The following RCAN3 variants were observed in gnomAD, a reference collection of about 807,000 sequenced individuals.
RCAN3 encodes regulator of calcineurin 3, also known as calcipressin-3.
A neutral mutation model predicts 21.9 loss-of-function variants in RCAN3; 19 were observed. The observed-to-expected ratio is 0.87, with a 90% CI of 0.61 to 1.27. RCAN3 has a LOEUF of 1.27. RCAN3 is among the 50% of genes most tolerant of loss of function. The pLI, the probability that RCAN3 is intolerant of heterozygous loss-of-function variation, is 0.00. For synonymous variants in RCAN3, 114 were observed against 112.3 expected, an observed-to-expected ratio of 1.01 and a Z score of -0.09; for missense variants, 240 against 300.1, an observed-to-expected ratio of 0.80 and a Z score of 1.48.
rs559721454 is a variant in RCAN3, at chr1:24,537,688, C to T, written c.*2411C>T. 5.9e-5 allele frequency: 9 copies of T among 152,260 alleles called. No homozygotes were observed. The highest frequency in any genetic ancestry group is 1.9e-4 in the African/African-American group (8 of 41,518). The allele number at this position is 152,260 out of a possible 1,614,324, so 9.4% of individuals were successfully genotyped here. On this transcript the variant is annotated 3_prime_UTR_variant, in exon 5 of 5. Transcript: ENST00000374395. ...CAAGGTGGGTGGATCCACCTGAGGT[C>T]AGGAGTTCAAGACCAGCCTGACCAA... is the stretch of plus-strand genomic sequence containing the variant.
At chr1:24,519,393 G>A (rs1157756752) in intron 2 of RCAN3, among the ~76,000 whole-genome samples, 1 of 151,894 alleles carries the variant, frequency 6.6e-6, no homozygotes, top group East Asian at 1.9e-4. Flanking sequence ...TTGAACATGA[G>A]GAGTTTTCAA....
At chr1:24,534,288 C>G (rs559917308) in intron 4 of RCAN3, among the ~76,000 whole-genome samples, 1 of 152,210 alleles carries the variant, frequency 6.6e-6, no homozygotes, top group African/African-American at 2.4e-5. Flanking sequence ...AAGTATCTCC[C>G]AAACTGAAAC....
chr1:24,505,929 A>G (rs1647401085), intron 1 of RCAN3, among the ~76,000 whole-genome samples: 2 of 152,286 alleles, frequency 1.3e-5, no homozygotes, highest in African/African-American at 2.4e-5. Context: ...TGTGCTTGAC[A>G]TTTTGCCTTG....
At chr1:24,530,814 C>T (rs1243843224) in intron 2 of RCAN3, among the ~76,000 whole-genome samples, 2 of 152,166 alleles carry the variant, frequency 1.3e-5, no homozygotes, top group African/African-American at 4.8e-5. Context: ...AGTTCAAGAC[C>T]AGCCTAGCCA....
At chr1:24,505,599 C>T (rs1647380354) in intron 1 of RCAN3, among the ~76,000 whole-genome samples, 1 of 152,052 alleles carries the variant, frequency 6.6e-6, no homozygotes, top group Non-Finnish European at 1.5e-5. Flanking sequence ...GCCCAAAGCA[C>T]CTATGTTTAT....
intron 2 of RCAN3, among the ~76,000 whole-genome samples, chr1:24,524,998 AT>A (rs200979178): frequency 2.0e-5 from 3 of 147,524 alleles, no homozygotes; most frequent in African/African-American, 5.0e-5. Context: ...TGGGCTCCTC[AT>A]TTTTTTTTCA....
At position 24,540,012 on chromosome 1, in the gene RCAN3, A is replaced by G. The variant is rs1407723420; in HGVS notation, c.*4735A>G. The G allele has an allele frequency of 6.6e-6, 1 of 152,264 alleles. No individual in the cohort carries two copies. The highest frequency in any genetic ancestry group is 1.5e-5 in the Non-Finnish European group (1 of 68,042). The allele number at this position is 152,264 out of a possible 1,614,324, so 9.4% of individuals were successfully genotyped here. ...TTTAAAAAGTTTTAAAAGATTTATG[A>G]ACCTTGTCCTACAATTCGCTGAATA... On this transcript the variant is annotated 3_prime_UTR_variant, in exon 5 of 5. Coordinates refer to ENST00000374395, the MANE Select transcript of RCAN3 (RefSeq NM_013441.4).
intron 1 of RCAN3, among the ~76,000 whole-genome samples, chr1:24,505,208 TTTG>T (rs1647326121): frequency 6.8e-6 from 1 of 147,822 alleles, no homozygotes. Context: ...TTGTTGTTGC[TTTG>T]TTTTTTTTTT....
intron 1 of RCAN3, 142 bp downstream of exon 1, chr1:24,503,292 T>C (rs1647222613): frequency 6.9e-6 from 1 of 145,284 alleles, no homozygotes; most frequent in Non-Finnish European, 1.5e-5. Context: ...GACCGGGAGA[T>C]GCTACCGCGC....
chr1:24,519,663 C>T (rs1648635986), intron 2 of RCAN3, among the ~76,000 whole-genome samples: 1 of 152,186 alleles, frequency 6.6e-6, no homozygotes, highest in African/African-American at 2.4e-5. Flanking sequence ...GACATCACTA[C>T]TTGTTCTGCT....
Position 24,505,508 on chromosome 1 carries a change from C to T in RCAN3, c.-60+2358C>T, listed in dbSNP as rs77792790. ...AAAGTGCTGGGATTACAGGCATGAGCCACCACACCAGTCCAAGTGTTTTGT... is the reference window on the plus strand; with the variant it reads ...AAAGTGCTGGGATTACAGGCATGAGTCACCACACCAGTCCAAGTGTTTTGT... On this transcript the variant is annotated intron_variant, in intron 1 of 4. Coordinates refer to ENST00000374395, the MANE Select transcript of RCAN3 (RefSeq NM_013441.4). 6.4e-3 allele frequency among the ~76,000 whole-genome samples: 973 copies of T among 152,162 alleles called. 13 individuals are homozygous for T. The highest frequency in any genetic ancestry group is 0.022 in the African/African-American group (929 of 41,518).
chr1:24,508,011 G>T (rs561802255), intron 1 of RCAN3, among the ~76,000 whole-genome samples: 11 of 152,352 alleles, frequency 7.2e-5, no homozygotes, highest in Admixed American at 3.9e-4. Flanking sequence ...CCTGGAGGCA[G>T]AGGTTGCCAG....
chr1:24,512,104 C>T (rs945336200), intron 1 of RCAN3, among the ~76,000 whole-genome samples: 6 of 152,112 alleles, frequency 3.9e-5, no homozygotes, highest in Non-Finnish European at 8.8e-5. Context: ...ACAGCTGACA[C>T]TTTGGGAGGC....
intron 2 of RCAN3, among the ~76,000 whole-genome samples, chr1:24,520,732 A>G (rs1267151368): frequency 6.6e-6 from 1 of 152,042 alleles, no homozygotes; most frequent in Non-Finnish European, 1.5e-5. Flanking sequence ...ACCTAATGCT[A>G]AATGACGAGT....
chr1:24,536,351 ATCAT>A lies in RCAN3; in HGVS notation c.*1078_*1081del, dbSNP rs1650227032. 6.6e-6 allele frequency: 1 copy of A among 152,172 alleles called. No individual in the cohort carries two copies. The highest frequency in any genetic ancestry group is 1.5e-5 in the Non-Finnish European group (1 of 68,028). The allele number at this position is 152,172 out of a possible 1,614,324, so 9.4% of individuals were successfully genotyped here. A position where few individuals can be genotyped will look rare whatever the true frequency, so the allele number is the denominator to read the frequency against. ...CTATGAATTAGGGAATGAGGGGGAGATCATTCAGTTTTACTTTTCTTTTTGTTGA... is the reference window on the plus strand; with the variant it reads ...CTATGAATTAGGGAATGAGGGGGAGATCAGTTTTACTTTTCTTTTTGTTGA... On this transcript the variant is annotated 3_prime_UTR_variant, in exon 5 of 5. Transcript: ENST00000374395.
Position 24,535,291 on chromosome 1 carries a change from G to A in RCAN3, c.*14G>A, listed in dbSNP as rs16829816. Reference sequence around the variant, plus strand: ...TGCGCGCTGTGAGGCCCTTGGTTGTGGTGCGAGGCGGCTGCCCTGGTGGGC... The same window carrying A: ...TGCGCGCTGTGAGGCCCTTGGTTGTAGTGCGAGGCGGCTGCCCTGGTGGGC... On this transcript the variant is annotated 3_prime_UTR_variant, in exon 5 of 5. Coordinates refer to ENST00000374395, the MANE Select transcript of RCAN3 (RefSeq NM_013441.4). 1,184 of 1,516,412 alleles carry A rather than the reference G, an allele frequency of 7.8e-4. 11 individuals carry two copies. The African/African-American group carries it at 0.014, about 18-fold the overall frequency. The allele number at this position is 1,516,412 out of a possible 1,614,324, so 93.9% of individuals were successfully genotyped here.
chr1:24,523,603 T>TACACACACACAC (rs71577716), intron 2 of RCAN3, among the ~76,000 whole-genome samples: 137 of 140,842 alleles, frequency 9.7e-4, no homozygotes, highest in African/African-American at 3.6e-3. Context: ...TTATTTCTAA[T>TACACACACACAC]ACACACACAC....
chr1:24,505,932 T>C (rs1647401634), intron 1 of RCAN3, among the ~76,000 whole-genome samples: 1 of 152,234 alleles, frequency 6.6e-6, no homozygotes, highest in Non-Finnish European at 1.5e-5. Flanking sequence ...GCTTGACATT[T>C]TGCCTTGATA....
chr1:24,524,833 T>TG (rs1395351313), intron 2 of RCAN3, among the ~76,000 whole-genome samples: 6 of 148,630 alleles, frequency 4.0e-5, no homozygotes, highest in South Asian at 4.3e-4. Flanking sequence ...CTTTTGTTTT[T>TG]TTTTTTTTTT....
Sources: allele counts gnomAD v4.1 joint callset (sites outside exome capture counted in the v4.1 genomes callset), GRCh38; gene constraint gnomAD v4.1.1; transcripts MANE v1.5; gene names NCBI Gene and HGNC (gene_info 2026-07-23, HGNC 2026-07-21).